The following GABBR2 variants were observed in gnomAD, a reference collection of about 807,000 sequenced individuals.
The protein encoded by GABBR2 is G-protein coupled receptor 51.
In GABBR2, 23 loss-of-function variants were observed where a neutral mutation model predicts 105.6. That is an observed-to-expected ratio of 0.22 (90% CI 0.16 to 0.31). GABBR2 has a LOEUF of 0.31. Ranked by LOEUF, GABBR2 falls within the 10% of genes least tolerant of loss-of-function variation. The pLI, the probability that GABBR2 is intolerant of heterozygous loss-of-function variation, is 1.00. For missense variants in GABBR2, 734 were observed against 1,245.5 expected, an observed-to-expected ratio of 0.59 and a Z score of 6.18; for synonymous variants, 478 against 499.7, an observed-to-expected ratio of 0.96 and a Z score of 0.58.
chr9:98,470,806 G>A (rs895484428), intron 6 of GABBR2, among the ~76,000 whole-genome samples: 1 of 149,474 alleles, frequency 6.7e-6, no homozygotes, highest in African/African-American at 2.5e-5. Flanking sequence ...TTTTTTTTTT[G>A]GCATTATTTT....
chr9:98,576,230 T>A (rs1241869205), intron 2 of GABBR2, among the ~76,000 whole-genome samples: 1 of 152,212 alleles, frequency 6.6e-6, no homozygotes. Flanking sequence ...CTGCTCACCC[T>A]GTCACTCACT....
At chr9:98,657,342 G>A (rs540971975) in intron 1 of GABBR2, among the ~76,000 whole-genome samples, 7 of 152,156 alleles carry the variant, frequency 4.6e-5, no homozygotes, top group African/African-American at 7.2e-5. Flanking sequence ...AAGACTGTAC[G>A]TTTTCAAGAA....
chr9:98,505,107 G>A (rs1001398015), intron 3 of GABBR2, among the ~76,000 whole-genome samples: 20 of 152,254 alleles, frequency 1.3e-4, no homozygotes, highest in African/African-American at 3.4e-4. Flanking sequence ...TTCTAATGAC[G>A]GAGAAGGTGG....
At chr9:98,694,868 A>G (rs1310394388) in intron 1 of GABBR2, among the ~76,000 whole-genome samples, 1 of 152,252 alleles carries the variant, frequency 6.6e-6, no homozygotes, top group East Asian at 1.9e-4. Context: ...AAGGTCATCC[A>G]TTAGAGAGCA....
intron 13 of GABBR2, among the ~76,000 whole-genome samples, chr9:98,339,439 T>C (rs1487541753): frequency 6.6e-6 from 1 of 152,154 alleles, no homozygotes; most frequent in Non-Finnish European, 1.5e-5. Context: ...ACTTCAACAA[T>C]AAAGGCTCTT....
chr9:98,661,078 T>C (rs1317079284), intron 1 of GABBR2, among the ~76,000 whole-genome samples: 1 of 152,100 alleles, frequency 6.6e-6, no homozygotes, highest in Non-Finnish European at 1.5e-5. Context: ...GATAATTCTT[T>C]TTGTGTTTTT....
At chr9:98,611,248 C>T (rs1829501555) in intron 1 of GABBR2, among the ~76,000 whole-genome samples, 1 of 152,226 alleles carries the variant, frequency 6.6e-6, no homozygotes, top group Non-Finnish European at 1.5e-5. Context: ...GGCATGGCCG[C>T]TGCCATTTCC....
chr9:98,325,039 T>C (rs964428597), intron 13 of GABBR2, among the ~76,000 whole-genome samples: 2 of 152,164 alleles, frequency 1.3e-5, no homozygotes, highest in African/African-American at 4.8e-5. Flanking sequence ...AAGTGTCTTC[T>C]CTCATATCTC....
intron 7 of GABBR2, among the ~76,000 whole-genome samples, chr9:98,423,839 C>T (rs947955041): frequency 6.6e-6 from 1 of 152,162 alleles, no homozygotes; most frequent in Non-Finnish European, 1.5e-5. Flanking sequence ...GCCAGTTTTC[C>T]CAGCACCATT....
intron 1 of GABBR2, among the ~76,000 whole-genome samples, chr9:98,653,175 CT>C (rs1830133336): frequency 6.6e-6 from 1 of 152,128 alleles, no homozygotes; most frequent in Admixed American, 6.5e-5. Context: ...ATTATTTTTA[CT>C]TTTTTAGAGA....
chr9:98,371,791 C>T (rs894034590), intron 11 of GABBR2, among the ~76,000 whole-genome samples: 1 of 152,244 alleles, frequency 6.6e-6, no homozygotes, highest in Non-Finnish European at 1.5e-5. Context: ...CACAGGAGTG[C>T]AATATTCAAA....
intron 12 of GABBR2, among the ~76,000 whole-genome samples, chr9:98,367,915 T>C (rs912804803): frequency 6.6e-6 from 1 of 152,194 alleles, no homozygotes; most frequent in African/African-American, 2.4e-5. Context: ...TTGGTTTTTA[T>C]TGTTACAGTT....
intron 1 of GABBR2, chr9:98,607,591 G>A (rs1829446858): frequency 5.8e-6 from 4 of 685,388 alleles, no homozygotes; most frequent in Non-Finnish European, 1.0e-5. Context: ...TATCATCAAA[G>A]TTAATGGCAA....
chr9:98,527,068 T>A (rs1827975904), intron 3 of GABBR2, among the ~76,000 whole-genome samples: 1 of 148,348 alleles, frequency 6.7e-6, no homozygotes, highest in South Asian at 2.1e-4. Context: ...ATAACATATA[T>A]TATTCATATG....
At chr9:98,561,307 C>T (rs1010973964) in intron 2 of GABBR2, among the ~76,000 whole-genome samples, 6 of 149,376 alleles carry the variant, frequency 4.0e-5, no homozygotes, top group Non-Finnish European at 8.9e-5. Flanking sequence ...AAAAAAAAAC[C>T]GTGAAGGAAT....
At chr9:98,421,838 G>A (rs1046820028) in intron 7 of GABBR2, among the ~76,000 whole-genome samples, 60 of 152,304 alleles carry the variant, frequency 3.9e-4, no homozygotes, top group African/African-American at 1.2e-3. Context: ...GAGTGGATAC[G>A]TGACCAAGTA....
At chr9:98,567,257 A>G (rs1204062241) in intron 2 of GABBR2, among the ~76,000 whole-genome samples, 1 of 152,232 alleles carries the variant, frequency 6.6e-6, no homozygotes, top group Non-Finnish European at 1.5e-5. Context: ...ATCTTGAATT[A>G]AAAATAGGGG....
intron 13 of GABBR2, among the ~76,000 whole-genome samples, chr9:98,335,949 A>G (rs778181660): frequency 2.0e-5 from 3 of 152,200 alleles, no homozygotes; most frequent in Non-Finnish European, 2.9e-5. Flanking sequence ...CCATGGAGAA[A>G]GAGCTCTGAG....
At chr9:98,691,334 GAC>G (rs1200795141) in intron 1 of GABBR2, among the ~76,000 whole-genome samples, 1 of 152,170 alleles carries the variant, frequency 6.6e-6, no homozygotes, top group Non-Finnish European at 1.5e-5. Flanking sequence ...CAGGGGGAAT[GAC>G]AGGCTCGATG....
Sources: gnomAD v4.1 joint callset for allele counts (sites outside exome capture counted in the v4.1 genomes callset) on GRCh38, gnomAD v4.1.1 for gene constraint, MANE v1.5 for transcripts, NCBI Gene and HGNC (gene_info 2026-07-23, HGNC 2026-07-21) for gene names.